The following NGF variants were observed in gnomAD, a reference collection of about 807,000 sequenced individuals.
The protein encoded by NGF is beta-nerve growth factor.
A neutral mutation model predicts 12.8 loss-of-function variants in NGF; 4 were observed. The observed-to-expected ratio is 0.31, with a 90% CI of 0.15 to 0.72. The LOEUF is 0.72. Among genes scored for constraint, NGF ranks in the 30% least tolerant of loss-of-function variants. NGF has a pLI of 0.69. For missense variants in NGF, 283 were observed against 330.8 expected (o/e 0.86, Z 1.12); for synonymous variants, 140 against 130.0 (o/e 1.08, Z -0.52).
chr1:115,286,062 T>C lies in NGF; in HGVS notation c.*8A>G. 1 of 1,612,488 alleles carries C rather than the reference T, an allele frequency of 6.2e-7. No individual in the cohort carries two copies. Among genetic ancestry groups the C allele is most frequent in the Non-Finnish European group, 8.5e-7 (1 of 1,179,384 alleles). On this transcript the variant is annotated 3_prime_UTR_variant, in exon 3 of 3. Transcript: ENST00000369512. ...AGAAGGGGCAGGGGGAGGGAGCGTG[T>C]CGGCAGGTCAGGCTCTTCTCACAGC...
intron 2 of NGF, among the ~76,000 whole-genome samples, 176 bp from the exon 3 acceptor site, chr1:115,286,983 G>A (rs1025657774): frequency 3.3e-5 from 5 of 152,170 alleles, no homozygotes; most frequent in African/African-American, 4.8e-5. Context: ...GACAACAGGC[G>A]TAACCCGGGG....
intron 1 of NGF, among the ~76,000 whole-genome samples, chr1:115,326,581 C>T (rs1654784273): frequency 6.6e-6 from 1 of 152,138 alleles, no homozygotes. Context: ...TGTTCTTGGC[C>T]TCTGCCTCAC....
intron 1 of NGF, among the ~76,000 whole-genome samples, chr1:115,326,694 T>G (rs1654788089): frequency 6.6e-6 from 1 of 152,126 alleles, no homozygotes; most frequent in South Asian, 2.1e-4. Context: ...TGCTACTGCG[T>G]TTGGAATGGA....
At position 115,313,013 on chromosome 1, in the gene NGF, T is replaced by A. The variant is rs11466084; in HGVS notation, c.-136-19263A>T. ...TATACCAAAAATGTATTGAGAATCATCTAAACCATCCAAAGAAAATGGCAT... is the reference window on the plus strand; with the variant it reads ...TATACCAAAAATGTATTGAGAATCAACTAAACCATCCAAAGAAAATGGCAT... On this transcript the variant is annotated intron_variant, in intron 1 of 2. Coordinates refer to ENST00000369512, the MANE Select transcript of NGF (RefSeq NM_002506.3). Among the ~76,000 whole-genome samples the A allele has an allele frequency of 4.2e-3, 641 of 152,304 alleles. 7 individuals are homozygous for A. Among genetic ancestry groups the A allele is most frequent in the Middle Eastern group, 0.037 (11 of 294 alleles).
At chr1:115,300,610 C>T (rs1222865403) in intron 1 of NGF, among the ~76,000 whole-genome samples, 1 of 152,248 alleles carries the variant, frequency 6.6e-6, no homozygotes, top group Non-Finnish European at 1.5e-5. Context: ...GCCATCGCGT[C>T]TTGAGCTCCC....
intron 2 of NGF, among the ~76,000 whole-genome samples, chr1:115,292,879 T>G (rs910330): frequency 0.71 from 108,308 of 151,732 alleles, 38,789 homozygotes; most frequent in Non-Finnish European, 0.72. Flanking sequence ...GCACTTGAAA[T>G]GCCCATGATA....
intron 1 of NGF, among the ~76,000 whole-genome samples, chr1:115,332,852 A>G (rs1654960528): frequency 6.6e-6 from 1 of 152,104 alleles, no homozygotes; most frequent in South Asian, 2.1e-4. Context: ...TGTTCTCCAT[A>G]ATCCAAAGGG....
chr1:115,316,561 G>A (rs1654480757), intron 1 of NGF, among the ~76,000 whole-genome samples: 2 of 152,054 alleles, frequency 1.3e-5, no homozygotes, highest in Admixed American at 6.6e-5. Context: ...GCTCATAATA[G>A]CCCTATGAAT....
chr1:115,301,539 A>G (rs929183177), intron 1 of NGF, among the ~76,000 whole-genome samples: 5 of 152,152 alleles, frequency 3.3e-5, no homozygotes, highest in Non-Finnish European at 7.4e-5. Flanking sequence ...AGAGAAAGTG[A>G]TGCCTCCTGT....
At chr1:115,300,145 T>C (rs184829660) in intron 1 of NGF, among the ~76,000 whole-genome samples, 18 of 152,332 alleles carry the variant, frequency 1.2e-4, no homozygotes, top group African/African-American at 4.3e-4. Flanking sequence ...CAGTGTGTGG[T>C]ATGTTTTCTA....
chr1:115,318,574 C>T (rs778774385), intron 1 of NGF, among the ~76,000 whole-genome samples: 9 of 152,240 alleles, frequency 5.9e-5, no homozygotes, highest in African/African-American at 9.6e-5. Flanking sequence ...CACCCACCTT[C>T]CAACAGTCTG....
intron 2 of NGF, among the ~76,000 whole-genome samples, chr1:115,288,150 T>C (rs974636073): frequency 1.3e-5 from 2 of 152,286 alleles, no homozygotes; most frequent in African/African-American, 4.8e-5. Context: ...TCAAAAATGA[T>C]CTTTTGCCAT....
At chr1:115,333,174 A>AGTCACT (rs1654970488) in intron 1 of NGF, among the ~76,000 whole-genome samples, 1 of 152,170 alleles carries the variant, frequency 6.6e-6, no homozygotes, top group African/African-American at 2.4e-5. Flanking sequence ...GAGGTGACCT[A>AGTCACT]TACCACCAAC....
At position 115,323,998 on chromosome 1, in the gene NGF, C is replaced by T. The variant is rs533828929; in HGVS notation, c.-137+14206G>A. On this transcript the variant is annotated intron_variant, in intron 1 of 2. Transcript: ENST00000369512. ...CCAGAATTTGTATAACCTGGAATCC[C>T]GGGACCTTGGAAATATGATCTATGA... Among the ~76,000 whole-genome samples the T allele has an allele frequency of 2.0e-4, 30 of 152,268 alleles. No homozygotes were observed. In the South Asian group the frequency reaches 3.5e-3, roughly 18 times the overall value.
At position 115,297,322 on chromosome 1, in the gene NGF, G is replaced by A. The variant is rs565938709; in HGVS notation, c.-136-3572C>T. Among the ~76,000 whole-genome samples the A allele has an allele frequency of 2.1e-3, 314 of 152,198 alleles. 1 individual carries two copies. Among genetic ancestry groups the A allele is most frequent in the Non-Finnish European group, 3.7e-3 (255 of 68,010 alleles). On this transcript the variant is annotated intron_variant, in intron 1 of 2. Coordinates refer to ENST00000369512, the MANE Select transcript of NGF (RefSeq NM_002506.3). The stretch of plus-strand genomic sequence containing the variant: ...GAAGTATCCAGTGCAAAGACAAAGC[G>A]CCAACCCAGAGCCAGTCCACTGCTG...
At chr1:115,289,248 A>C (rs1468058111) in intron 2 of NGF, among the ~76,000 whole-genome samples, 1 of 152,190 alleles carries the variant, frequency 6.6e-6, no homozygotes, top group African/African-American at 2.4e-5. Context: ...CTCGGTACAT[A>C]ATATCTCTTA....
chr1:115,309,710 C>T (rs190736506), intron 1 of NGF, among the ~76,000 whole-genome samples: 3 of 152,154 alleles, frequency 2.0e-5, no homozygotes, highest in Admixed American at 2.0e-4. Context: ...ACATATACAC[C>T]ATGGAATACT....
At chr1:115,307,347 C>T (rs114989115) in intron 1 of NGF, among the ~76,000 whole-genome samples, 278 of 152,056 alleles carry the variant, frequency 1.8e-3, no homozygotes, top group African/African-American at 6.5e-3. Context: ...GAGAAAGCAA[C>T]GGAGGGTGTG....
chr1:115,334,163 T>C (rs1655042982), intron 1 of NGF, among the ~76,000 whole-genome samples: 1 of 152,156 alleles, frequency 6.6e-6, no homozygotes, highest in Non-Finnish European at 1.5e-5. Context: ...TGTCACGTTA[T>C]CAATTCTCAT....
Sources: allele counts gnomAD v4.1 joint callset (sites outside exome capture counted in the v4.1 genomes callset), GRCh38; gene constraint gnomAD v4.1.1; transcripts MANE v1.5; gene names NCBI Gene and HGNC (gene_info 2026-07-23, HGNC 2026-07-21).